The following SYNE2 variants were observed in gnomAD, a reference collection of about 807,000 sequenced individuals.
The protein encoded by SYNE2 is nesprin-2.
Under a neutral mutation model 856.3 loss-of-function variants are expected in SYNE2, and 431 were observed. The ratio of observed to expected loss-of-function variants is 0.50; its 90% CI spans 0.47 to 0.55. The LOEUF is 0.55. Among genes scored for constraint, SYNE2 ranks in the 20% least tolerant of loss-of-function variants. The pLI, the probability that SYNE2 is intolerant of heterozygous loss-of-function variation, is 0.00. For synonymous variants in SYNE2, 2,923 were observed against 2,872.3 expected (o/e 1.02, Z -0.56); for missense variants, 8,129 against 8,023.2 (o/e 1.01, Z -0.50).
At chr14:63,988,873 A>G (rs973388609) in intron 19 of SYNE2, among the ~76,000 whole-genome samples, 1 of 152,180 alleles carries the variant, frequency 6.6e-6, no homozygotes, top group Admixed American at 6.5e-5. Flanking sequence ...TCATGATTCA[A>G]TTACCTCTCA....
chr14:64,221,641 G>A lies in SYNE2; in HGVS notation c.20127G>A (p.Lys6709=). 6.2e-7 allele frequency: 1 copy of A among 1,614,158 alleles called. No individual in the cohort carries two copies. The highest frequency in any genetic ancestry group is 8.5e-7 in the Non-Finnish European group (1 of 1,180,028). The part of the protein sequence containing the change: ...WLASAKNRRQ[K]AHVTDPKADP... ...CGAGTGCCAAGAACCGGAGGCAGAA[G>A]GCTCATGTCACCGATCCAAAGGCAG... Residue 6709 remains lysine, a synonymous_variant, in exon 112 of 116, where the codon AAG becomes AAA. Coordinates refer to ENST00000555002, the MANE Select transcript of SYNE2 (RefSeq NM_182914.3).
At chr14:63,762,655 C>CA (rs1481835147) in intron 1 of SYNE2, among the ~76,000 whole-genome samples, 2 of 148,894 alleles carry the variant, frequency 1.3e-5, no homozygotes, top group Admixed American at 6.7e-5. Context: ...AGGCTAGTCT[C>CA]AAACTCCTGG....
At chr14:63,845,018 A>T (rs868014111) in intron 1 of SYNE2, among the ~76,000 whole-genome samples, 1 of 152,184 alleles carries the variant, frequency 6.6e-6, no homozygotes, top group Non-Finnish European at 1.5e-5. Flanking sequence ...TTGTGTGGAT[A>T]GTTATTTTAT....
At chr14:63,947,897 G>A (rs1002458528) in intron 6 of SYNE2, among the ~76,000 whole-genome samples, 4 of 152,046 alleles carry the variant, frequency 2.6e-5, no homozygotes, top group East Asian at 3.9e-4. Context: ...ACCTTCACAC[G>A]TGAAGTCGAC....
At position 63,981,313 on chromosome 14, in the gene SYNE2, T is replaced by A. The variant is rs945028465; in HGVS notation, c.1836+140T>A. 6 of 758,860 alleles carry A rather than the reference T, an allele frequency of 7.9e-6. No individual in the cohort carries two copies. In the African/African-American group the frequency reaches 1.1e-4, roughly 13 times the overall value. The allele number at this position is 758,860 out of a possible 1,614,324, so 47.0% of individuals were successfully genotyped here. A position where few individuals can be genotyped will look rare whatever the true frequency, so the allele number is the denominator to read the frequency against. On this transcript the variant is annotated intron_variant, in intron 16 of 115. Coordinates refer to ENST00000555002, the MANE Select transcript of SYNE2 (RefSeq NM_182914.3). ...AAATTCTTCAAGGTCTTGGAAAGAA[T>A]TTAGTTTCTTCCTGATATAATTGCC...
intron 1 of SYNE2, among the ~76,000 whole-genome samples, chr14:63,812,050 C>T (rs899202719): frequency 1.3e-5 from 2 of 152,120 alleles, no homozygotes; most frequent in African/African-American, 4.8e-5. Flanking sequence ...GAGCAGAGAA[C>T]CGGTCTGACC....
intron 29 of SYNE2, 145 bp from the exon 30 acceptor site, chr14:64,002,575 T>C (rs1243930350): frequency 4.7e-6 from 4 of 847,190 alleles, no homozygotes; most frequent in Non-Finnish European, 7.2e-6. Context: ...TTAAAATGTT[T>C]CCTTAGGTAG....
At chr14:63,876,074 T>C (rs941562378) in intron 1 of SYNE2, among the ~76,000 whole-genome samples, 2 of 152,092 alleles carry the variant, frequency 1.3e-5, no homozygotes, top group African/African-American at 4.8e-5. Context: ...TTTATGAAGG[T>C]ACAGGTATGA....
At position 63,981,060 on chromosome 14, in the gene SYNE2, TATA is replaced by T. The variant is rs1566965039; in HGVS notation, c.1726_1728del (p.Asn576del). The T allele has an allele frequency of 6.3e-7, 1 of 1,596,166 alleles. No individual in the cohort carries two copies. The highest frequency in any genetic ancestry group is 1.7e-4 in the Middle Eastern group (1 of 6,024). On this transcript the variant is annotated inframe_deletion, in exon 16 of 116. Coordinates refer to ENST00000555002, the MANE Select transcript of SYNE2 (RefSeq NM_182914.3). ...TGTTTGTATGTATAGAAAAAATATA[TATA>T]ATGTGAAGTCCACTCTACAAAAAGT...
Position 63,986,456 on chromosome 14 carries a change from G to C in SYNE2, c.2152G>C (p.Ala718Pro). The change falls in exon 19 of 116, where the codon GCT becomes CCT. Residue 718 changes from alanine to proline, a missense_variant and splice_region_variant. Coordinates refer to ENST00000555002, the MANE Select transcript of SYNE2 (RefSeq NM_182914.3). ...TCAGTGGTACTTTTGAATGTTGTAG[G>C]CTGGAGAGAAACATGAAAAAGAAAA... ...LPENYNQNIK[A>P]GEKHEKENEE... The C allele has an allele frequency of 6.2e-7, 1 of 1,613,944 alleles. No individual in the cohort carries two copies. Among genetic ancestry groups the C allele is most frequent in the Non-Finnish European group, 8.5e-7 (1 of 1,179,952 alleles).
At chr14:63,804,999 T>G (rs1888304915) in intron 1 of SYNE2, among the ~76,000 whole-genome samples, 1 of 152,140 alleles carries the variant, frequency 6.6e-6, no homozygotes, top group Non-Finnish European at 1.5e-5. Flanking sequence ...GAATAAGGAG[T>G]CCTTTTCCTG....
chr14:63,940,457 C>G lies in SYNE2; in HGVS notation c.80-157C>G, dbSNP rs3742619. ...TCAACATGGTTTTTCTAAAACACTA[C>G]TTGGACAAACATCTACAGTTTAGAC... On this transcript the variant is annotated intron_variant, in intron 2 of 115. Coordinates refer to ENST00000555002, the MANE Select transcript of SYNE2 (RefSeq NM_182914.3). 0.083 allele frequency among the ~76,000 whole-genome samples: 12,630 copies of G among 152,202 alleles called. 562 individuals carry two copies. Among genetic ancestry groups the G allele is most frequent in the South Asian group, 0.16 (771 of 4,816 alleles).
At chr14:64,168,815 G>C in intron 92 of SYNE2, 62 bp from the exon 93 acceptor site, 1 of 1,113,996 alleles carries the variant, frequency 9.0e-7, no homozygotes, top group Admixed American at 1.7e-5. Context: ...AGGAAATGTA[G>C]GTTCCGAGAT....
intron 1 of SYNE2, among the ~76,000 whole-genome samples, chr14:63,888,198 G>A (rs2095042668): frequency 1.3e-5 from 2 of 152,160 alleles, no homozygotes; most frequent in African/African-American, 4.8e-5. Flanking sequence ...ACAGAATGAG[G>A]GCCCAAACTC....
At chr14:63,810,825 A>G (rs1381276359) in intron 1 of SYNE2, among the ~76,000 whole-genome samples, 1 of 152,150 alleles carries the variant, frequency 6.6e-6, no homozygotes, top group African/African-American at 2.4e-5. Context: ...GAATTCAGAA[A>G]GTATTAGTGA....
At chr14:64,026,873 G>A in intron 42 of SYNE2, 143 bp downstream of exon 42, 1 of 983,212 alleles carries the variant, frequency 1.0e-6, no homozygotes, top group East Asian at 2.6e-5. Context: ...ACAGTGTCAA[G>A]AGACAGAAAC....
chr14:63,814,682 A>ATG (rs1289496854), intron 1 of SYNE2, among the ~76,000 whole-genome samples: 2 of 129,102 alleles, frequency 1.5e-5, no homozygotes, highest in African/African-American at 5.9e-5. Flanking sequence ...ATATATCCAT[A>ATG]TATATCCATA....
intron 55 of SYNE2, 73 bp downstream of exon 55, chr14:64,078,679 C>G: frequency 6.4e-7 from 1 of 1,555,028 alleles, no homozygotes. Context: ...TCAGTCACCA[C>G]AGGGTGAGTT....
chr14:64,121,187 C>G, intron 68 of SYNE2, 126 bp downstream of exon 68: 3 of 1,328,238 alleles, frequency 2.3e-6, no homozygotes, highest in Middle Eastern at 2.0e-4. Context: ...GCCAGGTGTT[C>G]GAGGCCAGCC....
Sources: gnomAD v4.1 joint callset for allele counts (sites outside exome capture counted in the v4.1 genomes callset) on GRCh38, gnomAD v4.1.1 for gene constraint, MANE v1.5 for transcripts, NCBI Gene and HGNC (gene_info 2026-07-23, HGNC 2026-07-21) for gene names.